The following MALRD1 variants were observed in gnomAD, a reference collection of about 807,000 sequenced individuals.
MALRD1 encodes the protein MAM and LDL receptor class A domain containing 1, also known as MAM and LDL-receptor class A domain-containing protein 1.
MALRD1 carries 247 observed loss-of-function variants against 242.1 expected under a neutral mutation model. The ratio of observed to expected loss-of-function variants is 1.02; its 90% CI spans 0.92 to 1.13. MALRD1 has a LOEUF of 1.13. Ranked by LOEUF, MALRD1 falls within the 50% of genes most tolerant of loss-of-function variation. MALRD1 has a pLI of 0.00. For missense variants in MALRD1, 2,989 were observed against 2,533.1 expected, an observed-to-expected ratio of 1.18 and a Z score of -3.86; for synonymous variants, 995 against 866.6, an observed-to-expected ratio of 1.15 and a Z score of -2.60.
chr10:19,213,026 T>A (rs72786572), intron 18 of MALRD1, among the ~76,000 whole-genome samples: 19,743 of 152,186 alleles, frequency 0.13, 1,373 homozygotes, highest in Middle Eastern at 0.2. Context: ...TCTCCCAGCC[T>A]GCAGCTTGCC....
chr10:19,124,130 T>C (rs940340308), intron 6 of MALRD1, among the ~76,000 whole-genome samples: 1 of 151,768 alleles, frequency 6.6e-6, no homozygotes, highest in African/African-American at 2.4e-5. Context: ...GGCTGGAAGA[T>C]TGCTTGAGCC....
chr10:19,337,273 G>C (rs1843655593), intron 24 of MALRD1, among the ~76,000 whole-genome samples: 1 of 152,076 alleles, frequency 6.6e-6, no homozygotes, highest in Admixed American at 6.6e-5. Context: ...GGTGATCAGT[G>C]CTATGAGAAA....
chr10:19,368,810 C>T (rs969563913), intron 26 of MALRD1, among the ~76,000 whole-genome samples: 1 of 150,456 alleles, frequency 6.6e-6, no homozygotes, highest in Non-Finnish European at 1.5e-5. Context: ...GTGTTTTCCT[C>T]GTAGACTTCA....
intron 26 of MALRD1, among the ~76,000 whole-genome samples, chr10:19,363,084 G>A (rs535986195): frequency 1.3e-5 from 2 of 152,190 alleles, no homozygotes; most frequent in South Asian, 2.1e-4. Context: ...GTCTAGGCAC[G>A]TACAGATGTC....
At chr10:19,234,879 T>G (rs974149260) in intron 18 of MALRD1, among the ~76,000 whole-genome samples, 1 of 152,114 alleles carries the variant, frequency 6.6e-6, no homozygotes, top group Non-Finnish European at 1.5e-5. Context: ...AGGTGTTGTT[T>G]TGCTTAGGTT....
At chr10:19,241,189 T>C (rs999907573) in intron 18 of MALRD1, among the ~76,000 whole-genome samples, 1 of 151,126 alleles carries the variant, frequency 6.6e-6, no homozygotes, top group Non-Finnish European at 1.5e-5. Context: ...CATCAGGTCC[T>C]GGGTGTTGGT....
At chr10:19,462,710 C>G (rs946316655) in intron 29 of MALRD1, among the ~76,000 whole-genome samples, 2 of 152,150 alleles carry the variant, frequency 1.3e-5, no homozygotes, top group Non-Finnish European at 2.9e-5. Context: ...GGATATTACA[C>G]AGATAAGTTG....
intron 10 of MALRD1, among the ~76,000 whole-genome samples, chr10:19,138,436 T>G (rs1477287305): frequency 6.6e-6 from 1 of 150,844 alleles, no homozygotes; most frequent in Non-Finnish European, 1.5e-5. Flanking sequence ...TTTTTTTTTT[T>G]TGGGGACAGA....
At chr10:19,593,258 A>C (rs1419745304) in intron 33 of MALRD1, among the ~76,000 whole-genome samples, 2 of 152,188 alleles carry the variant, frequency 1.3e-5, no homozygotes, top group Admixed American at 1.3e-4. Context: ...TCATACATTT[A>C]TCTCTCTCCT....
At position 19,232,438 on chromosome 10, in the gene MALRD1, G is replaced by A. The variant is rs1270691655; in HGVS notation, c.2991+22758G>A. ...AGTCATCCGCCCGCCTCAGCCTCCCGAAGTGCTGGGATTATAGGCATGAGC... is the reference window on the plus strand; with the variant it reads ...AGTCATCCGCCCGCCTCAGCCTCCCAAAGTGCTGGGATTATAGGCATGAGC... On this transcript the variant is annotated intron_variant, in intron 18 of 39. Coordinates refer to ENST00000454679, the MANE Select transcript of MALRD1 (RefSeq NM_001142308.3). 2.0e-5 allele frequency among the ~76,000 whole-genome samples: 3 copies of A among 151,256 alleles called. No individual in the cohort carries two copies. The East Asian group carries it at 5.9e-4, about 30-fold the overall frequency.
chr10:19,615,037 T>C (rs936261389), intron 35 of MALRD1, among the ~76,000 whole-genome samples: 2 of 152,072 alleles, frequency 1.3e-5, no homozygotes, highest in African/African-American at 4.8e-5. Context: ...GTGAGATGAC[T>C]ATAGTTAACA....
At chr10:19,434,113 C>T (rs1701112539) in intron 28 of MALRD1, among the ~76,000 whole-genome samples, 1 of 152,138 alleles carries the variant, frequency 6.6e-6, no homozygotes, top group African/African-American at 2.4e-5. Flanking sequence ...AAAATTCCTC[C>T]TTCACCTTTG....
At position 19,587,496 on chromosome 10, in the gene MALRD1, A is replaced by G. The variant is rs538675354; in HGVS notation, c.5681-7698A>G. Among the ~76,000 whole-genome samples, 19 of 152,346 alleles carry G rather than the reference A, an allele frequency of 1.2e-4. No individual in the cohort carries two copies. The East Asian group carries it at 3.1e-3, about 25-fold the overall frequency. On this transcript the variant is annotated intron_variant, in intron 33 of 39. Coordinates refer to ENST00000454679, the MANE Select transcript of MALRD1 (RefSeq NM_001142308.3). ...ATATTAATCATAAAGGTAAAAATCC[A>G]TCAGATTATCCTTGGGCACTTTAGG...
At chr10:19,109,184 T>C (rs968619073) in intron 5 of MALRD1, among the ~76,000 whole-genome samples, 10 of 152,300 alleles carry the variant, frequency 6.6e-5, no homozygotes. Flanking sequence ...GTGCAGCTCC[T>C]TGGACAAGCT....
At chr10:19,300,229 C>A (rs896307151) in intron 21 of MALRD1, among the ~76,000 whole-genome samples, 1 of 151,660 alleles carries the variant, frequency 6.6e-6, no homozygotes, top group Non-Finnish European at 1.5e-5. Flanking sequence ...ATGACACAAG[C>A]AAACGGAAAA....
At chr10:19,114,458 G>A (rs556724494) in intron 5 of MALRD1, among the ~76,000 whole-genome samples, 1 of 152,196 alleles carries the variant, frequency 6.6e-6, no homozygotes, top group South Asian at 2.1e-4. Context: ...CCAACATGGT[G>A]AAACCCCATC....
chr10:19,409,546 A>G (rs773874493), intron 28 of MALRD1, among the ~76,000 whole-genome samples: 1 of 152,220 alleles, frequency 6.6e-6, no homozygotes, highest in Non-Finnish European at 1.5e-5. Flanking sequence ...AGGTACAGCT[A>G]TTAGAGAGTA....
At chr10:19,349,875 T>G (rs1222157916) in intron 25 of MALRD1, among the ~76,000 whole-genome samples, 2 of 152,154 alleles carry the variant, frequency 1.3e-5, no homozygotes, top group Non-Finnish European at 2.9e-5. Flanking sequence ...GTAACTAAGA[T>G]TTCATCCATT....
Position 19,156,461 on chromosome 10 carries a change from CGT to C in MALRD1, c.1656+1290_1656+1291del, listed in dbSNP as rs1491526637. 5.0e-5 allele frequency among the ~76,000 whole-genome samples: 5 copies of C among 100,414 alleles called. No homozygotes were observed. In the East Asian group the frequency reaches 9.0e-4, roughly 18 times the overall value. 65.9% of individuals were successfully genotyped at this position (100,414 alleles called of 152,430 possible). A position where few individuals can be genotyped will look rare whatever the true frequency, so the allele number is the denominator to read the frequency against. On this transcript the variant is annotated intron_variant, in intron 12 of 39. Coordinates refer to ENST00000454679, the MANE Select transcript of MALRD1 (RefSeq NM_001142308.3). ...GAAAAAGAGAAAGATAGATATAGAG[CGT>C]TTTTTTTTTTTTTTTTGAGGGGAAA...
Sources: gnomAD v4.1 joint callset for allele counts (sites outside exome capture counted in the v4.1 genomes callset) on GRCh38, gnomAD v4.1.1 for gene constraint, MANE v1.5 for transcripts, NCBI Gene and HGNC (gene_info 2026-07-23, HGNC 2026-07-21) for gene names.